The following CLIC5 variants were observed in gnomAD, a reference collection of about 807,000 sequenced individuals.
The protein encoded by CLIC5 is chloride intracellular channel protein 5.
CLIC5 carries 20 observed loss-of-function variants against 24.7 expected under a neutral mutation model. That is an observed-to-expected ratio of 0.81 (90% CI 0.57 to 1.18). The LOEUF (loss-of-function observed/expected upper bound fraction) is 1.18, where lower values mean the gene tolerates loss of function less well. Ranked by LOEUF, CLIC5 falls within the 50% of genes most tolerant of loss-of-function variation. The pLI is 0.00. For missense variants in CLIC5, 341 were observed against 326.1 expected, an observed-to-expected ratio of 1.05 and a Z score of -0.35; for synonymous variants, 159 against 135.6, an observed-to-expected ratio of 1.17 and a Z score of -1.20.
chr6:46,023,217 C>A (rs1767233970), intron 1 of CLIC5, among the ~76,000 whole-genome samples: 1 of 152,086 alleles, frequency 6.6e-6, no homozygotes, highest in Non-Finnish European at 1.5e-5. Context: ...AGAGTTACAT[C>A]ATAATAATAA....
chr6:45,922,714 A>G (rs1490490542), intron 4 of CLIC5, among the ~76,000 whole-genome samples: 2 of 152,210 alleles, frequency 1.3e-5, no homozygotes, highest in Non-Finnish European at 2.9e-5. Flanking sequence ...GAGAAAGATT[A>G]TCACTTAGGT....
At chr6:46,040,734 G>A (rs1009142680) in intron 1 of CLIC5, among the ~76,000 whole-genome samples, 1 of 152,090 alleles carries the variant, frequency 6.6e-6, no homozygotes, top group South Asian at 2.1e-4. Context: ...GGTGCAGGGG[G>A]CAATGGTGAT....
At chr6:45,907,295 T>C (rs1386621329) in intron 5 of CLIC5, among the ~76,000 whole-genome samples, 1 of 152,268 alleles carries the variant, frequency 6.6e-6, no homozygotes, top group Non-Finnish European at 1.5e-5. Flanking sequence ...ATTTCATTTT[T>C]GTTTTTAATT....
At chr6:45,987,655 T>A (rs149026858) in intron 1 of CLIC5, among the ~76,000 whole-genome samples, 46 of 152,304 alleles carry the variant, frequency 3.0e-4, no homozygotes, top group Middle Eastern at 6.8e-3. Flanking sequence ...GCTAATTTGA[T>A]TGCTGTGGGG....
chr6:45,941,642 A>T lies in CLIC5; in HGVS notation c.311T>A (p.Leu104Gln). 1 of 1,613,938 alleles carries T rather than the reference A, an allele frequency of 6.2e-7. No homozygotes were observed. The highest frequency in any genetic ancestry group is 1.1e-5 in the South Asian group (1 of 91,060). ...GTTGGATTCCCGGTGTTTTGCAGCC[A>T]GTTTGGGGTACCTGGAATGGAGGAT... is the stretch of plus-strand genomic sequence containing the variant. ...ETLTPEKYPK[L>Q]AAKHRESNTA... Residue 104 changes from leucine to glutamine, a missense_variant, in exon 4 of 6, where the codon CTG becomes CAG. By Grantham distance (113) the Leu-to-Gln change is moderately radical (BLOSUM62 -2). Coordinates refer to ENST00000339561, the MANE Select transcript of CLIC5 (RefSeq NM_016929.5).
intron 4 of CLIC5, among the ~76,000 whole-genome samples, chr6:45,915,786 A>G (rs1275621132): frequency 1.3e-5 from 2 of 152,228 alleles, no homozygotes; most frequent in Non-Finnish European, 2.9e-5. Flanking sequence ...TTTTGCCCAG[A>G]ATCTCGTAGT....
At chr6:45,951,793 A>G (rs1423336710) in intron 2 of CLIC5, among the ~76,000 whole-genome samples, 1 of 152,118 alleles carries the variant, frequency 6.6e-6, no homozygotes, top group Admixed American at 6.5e-5. Context: ...CAGTGGGAGT[A>G]GAGGAGTCTG....
chr6:45,938,250 G>A (rs547198779), intron 4 of CLIC5, among the ~76,000 whole-genome samples: 6 of 152,326 alleles, frequency 3.9e-5, no homozygotes, highest in Admixed American at 1.3e-4. Flanking sequence ...ACCATCTCCC[G>A]GGTCAGGGGC....
At chr6:45,971,030 G>T (rs566465729) in intron 1 of CLIC5, among the ~76,000 whole-genome samples, 2 of 152,308 alleles carry the variant, frequency 1.3e-5, no homozygotes, top group East Asian at 3.9e-4. Flanking sequence ...CCCATTGGTG[G>T]ACTCCAAAAT....
intron 5 of CLIC5, among the ~76,000 whole-genome samples, chr6:45,904,560 C>T (rs1469590689): frequency 6.6e-6 from 1 of 151,398 alleles, no homozygotes; most frequent in Non-Finnish European, 1.5e-5. Flanking sequence ...TTAGCTGGTC[C>T]TCCTCTAGCC....
At chr6:45,986,060 A>T in intron 1 of CLIC5, among the ~76,000 whole-genome samples, 1 of 152,164 alleles carries the variant, frequency 6.6e-6, no homozygotes, top group South Asian at 2.1e-4. Context: ...AGACATGACC[A>T]TGCTCCTCAT....
At chr6:45,892,056 C>T (rs564731910) in intron 6 of CLIC5, 5 of 152,286 alleles carry the variant, frequency 3.3e-5, no homozygotes, top group Admixed American at 3.3e-4. Flanking sequence ...CAACTCACAA[C>T]ATTTTTCATG....
the CLIC5 span, among the ~76,000 whole-genome samples, chr6:46,119,994 C>A: frequency 6.6e-6 from 1 of 152,224 alleles, no homozygotes; most frequent in Non-Finnish European, 1.5e-5. Flanking sequence ...TCTGTAGACT[C>A]CACCTCTGGG....
downstream of CLIC5, chr6:45,898,352 A>G (rs1013512291): frequency 4.6e-5 from 7 of 150,540 alleles, no homozygotes; most frequent in African/African-American, 1.8e-4. Context: ...TAATGGGAAA[A>G]TAAATTAACC....
chr6:45,914,988 G>T (rs950049705), intron 4 of CLIC5, among the ~76,000 whole-genome samples: 1 of 151,772 alleles, frequency 6.6e-6, no homozygotes, highest in African/African-American at 2.4e-5. Context: ...GGAGTGCAGT[G>T]GCGTGATCTG....
At chr6:45,945,872 T>G (rs768425437) in intron 3 of CLIC5, among the ~76,000 whole-genome samples, 1 of 152,256 alleles carries the variant, frequency 6.6e-6, no homozygotes, top group Non-Finnish European at 1.5e-5. Context: ...ACCCTGTTGA[T>G]ACTTAAATCA....
At chr6:46,010,029 C>T (rs373978980) in intron 1 of CLIC5, among the ~76,000 whole-genome samples, 1 of 152,072 alleles carries the variant, frequency 6.6e-6, no homozygotes, top group Non-Finnish European at 1.5e-5. Context: ...CTTCAGTTGC[C>T]ATTGGTCTGC....
At chr6:46,056,710 C>T (rs1392673881) in intron 1 of CLIC5, among the ~76,000 whole-genome samples, 7 of 152,142 alleles carry the variant, frequency 4.6e-5, no homozygotes, top group Non-Finnish European at 8.8e-5. Flanking sequence ...GCACAATGTA[C>T]ATGAAAGCCT....
chr6:45,993,033 T>A (rs181858283), intron 1 of CLIC5, among the ~76,000 whole-genome samples: 1 of 152,102 alleles, frequency 6.6e-6, no homozygotes, highest in Non-Finnish European at 1.5e-5. Context: ...AGGTTTCCCA[T>A]CAATAACCAA....
Sources: gnomAD v4.1 joint callset for allele counts (sites outside exome capture counted in the v4.1 genomes callset) on GRCh38, gnomAD v4.1.1 for gene constraint, MANE v1.5 for transcripts, NCBI Gene and HGNC (gene_info 2026-07-23, HGNC 2026-07-21) for gene names.